Variants in RCAN2 observed in about 807,000 individuals in gnomAD.
RCAN2 encodes calcipressin-2.
In RCAN2, 9 loss-of-function variants were observed where a neutral mutation model predicts 23.6. The ratio of observed to expected loss-of-function variants is 0.38; its 90% CI spans 0.23 to 0.67. The LOEUF is 0.67. Ranked by LOEUF, RCAN2 falls within the 30% of genes least tolerant of loss-of-function variation. The pLI is 0.51. For synonymous variants in RCAN2, 109 were observed against 115.7 expected (o/e 0.94, Z 0.37); for missense variants, 273 against 302.3 (o/e 0.90, Z 0.72).
chr6:46,367,337 T>C (rs1765205579), intron 2 of RCAN2, among the ~76,000 whole-genome samples: 1 of 152,062 alleles, frequency 6.6e-6, no homozygotes, highest in Non-Finnish European at 1.5e-5. Context: ...CTTTTTGTTT[T>C]TGTTTTTCAA....
intron 2 of RCAN2, among the ~76,000 whole-genome samples, chr6:46,255,379 G>A (rs530812692): frequency 1.3e-5 from 2 of 152,208 alleles, no homozygotes; most frequent in South Asian, 4.2e-4. Context: ...GAAACCAGGA[G>A]TATCACATTC....
intron 2 of RCAN2, among the ~76,000 whole-genome samples, chr6:46,317,176 C>G (rs891650809): frequency 1.3e-5 from 2 of 152,076 alleles, no homozygotes; most frequent in African/African-American, 4.8e-5. Context: ...CTTGCATTTT[C>G]CAGAAAACTT....
intron 2 of RCAN2, among the ~76,000 whole-genome samples, chr6:46,366,326 T>C (rs571925238): frequency 6.6e-6 from 1 of 152,244 alleles, no homozygotes; most frequent in African/African-American, 2.4e-5. Flanking sequence ...TAAACTCAGG[T>C]TGCCTGAAGT....
At chr6:46,381,483 C>T (rs985506214) in intron 2 of RCAN2, among the ~76,000 whole-genome samples, 1 of 152,132 alleles carries the variant, frequency 6.6e-6, no homozygotes, top group Non-Finnish European at 1.5e-5. Flanking sequence ...TGAGCTATAT[C>T]GCCTTTTACA....
chr6:46,253,445 T>C (rs934410962), intron 2 of RCAN2, among the ~76,000 whole-genome samples: 1 of 152,194 alleles, frequency 6.6e-6, no homozygotes, highest in Non-Finnish European at 1.5e-5. Flanking sequence ...ATGAGAAAAG[T>C]ACCAAGGGCA....
At chr6:46,403,268 G>A (rs978929194) in intron 2 of RCAN2, among the ~76,000 whole-genome samples, 2 of 151,272 alleles carry the variant, frequency 1.3e-5, no homozygotes, top group Non-Finnish European at 2.9e-5. Flanking sequence ...CCCAGCCTAC[G>A]TTTGATTTTT....
intron 4 of RCAN2, 115 bp downstream of exon 4, chr6:46,246,633 A>G: frequency 1.2e-6 from 1 of 826,616 alleles, no homozygotes; most frequent in Non-Finnish European, 1.9e-6. Context: ...AGAGGAATAA[A>G]TCTATTAGAA....
intron 1 of RCAN2, among the ~76,000 whole-genome samples, chr6:46,466,545 G>A (rs1163509454): frequency 6.6e-6 from 1 of 152,068 alleles, no homozygotes; most frequent in Non-Finnish European, 1.5e-5. Context: ...GGAAAGGCAG[G>A]GGGAAGAAAA....
intron 2 of RCAN2, among the ~76,000 whole-genome samples, chr6:46,288,763 G>A (rs1279171942): frequency 6.6e-6 from 1 of 152,204 alleles, no homozygotes; most frequent in Non-Finnish European, 1.5e-5. Context: ...GTCTCTTTCT[G>A]TATCCCAGTT....
chr6:46,391,666 G>A (rs753784620), intron 2 of RCAN2, among the ~76,000 whole-genome samples: 29 of 152,286 alleles, frequency 1.9e-4, no homozygotes, highest in Non-Finnish European at 3.4e-4. Flanking sequence ...GCTGTGGGCT[G>A]TGACAGTGGA....
At chr6:46,341,575 G>A (rs1238615755) in intron 2 of RCAN2, among the ~76,000 whole-genome samples, 1 of 152,094 alleles carries the variant, frequency 6.6e-6, no homozygotes, top group African/African-American at 2.4e-5. Flanking sequence ...GAGGTGGGTG[G>A]ATCATGAGTT....
intron 2 of RCAN2, among the ~76,000 whole-genome samples, chr6:46,282,882 A>C (rs999290014): frequency 6.6e-6 from 1 of 152,332 alleles, no homozygotes; most frequent in East Asian, 1.9e-4. Flanking sequence ...TCCTCTAAAT[A>C]ATAAACGTAC....
At chr6:46,362,110 C>A (rs769780970) in intron 2 of RCAN2, among the ~76,000 whole-genome samples, 2 of 152,040 alleles carry the variant, frequency 1.3e-5, no homozygotes, top group Non-Finnish European at 2.9e-5. Context: ...ATTCTGAGGT[C>A]TAGAATAAAA....
At chr6:46,378,197 T>C (rs1765532153) in intron 2 of RCAN2, among the ~76,000 whole-genome samples, 1 of 152,218 alleles carries the variant, frequency 6.6e-6, no homozygotes, top group Admixed American at 6.5e-5. Flanking sequence ...GATTTGTTGG[T>C]AAATAGTCAA....
intron 2 of RCAN2, among the ~76,000 whole-genome samples, chr6:46,299,367 T>C (rs536031704): frequency 6.6e-6 from 1 of 152,170 alleles, no homozygotes; most frequent in South Asian, 2.1e-4. Context: ...GGACTTATAG[T>C]TCATGACAGA....
chr6:46,237,959 T>C (rs1384438574), intron 4 of RCAN2, among the ~76,000 whole-genome samples: 1 of 152,142 alleles, frequency 6.6e-6, no homozygotes, highest in African/African-American at 2.4e-5. Context: ...CAGCCCCCAG[T>C]TGTGCTGCCC....
At chr6:46,379,957 A>G (rs1765576245) in intron 2 of RCAN2, among the ~76,000 whole-genome samples, 1 of 152,078 alleles carries the variant, frequency 6.6e-6, no homozygotes, top group Non-Finnish European at 1.5e-5. Context: ...CTTTAGAAAA[A>G]CCTTCCAAAA....
chr6:46,490,699 C>A (rs1582243374), intron 1 of RCAN2, among the ~76,000 whole-genome samples: 1 of 152,208 alleles, frequency 6.6e-6, no homozygotes, highest in South Asian at 2.1e-4. Flanking sequence ...AGTGCACCTA[C>A]CCCCTCCCCA....
intron 2 of RCAN2, among the ~76,000 whole-genome samples, chr6:46,261,093 G>A (rs1325575757): frequency 6.6e-6 from 1 of 152,094 alleles, no homozygotes; most frequent in Non-Finnish European, 1.5e-5. Flanking sequence ...TCATTAATCT[G>A]TACAAACGTC....
Sources: gnomAD v4.1 joint callset for allele counts (sites outside exome capture counted in the v4.1 genomes callset) on GRCh38, gnomAD v4.1.1 for gene constraint, MANE v1.5 for transcripts, NCBI Gene and HGNC (gene_info 2026-07-23, HGNC 2026-07-21) for gene names.